Variants in FGF23 observed in about 807,000 individuals in gnomAD.
The protein encoded by FGF23 is phosphatonin.
Under a neutral mutation model 9.0 loss-of-function variants are expected in FGF23, and 8 were observed. The ratio of observed to expected loss-of-function variants is 0.89; its 90% CI spans 0.52 to 1.60. FGF23 has a LOEUF of 1.60. FGF23 is among the 40% of genes most tolerant of loss of function. The pLI, the probability that FGF23 is intolerant of heterozygous loss-of-function variation, is 0.00. For synonymous variants in FGF23, 118 were observed against 146.2 expected, an observed-to-expected ratio of 0.81 and a Z score of 1.39; for missense variants, 311 against 344.3, an observed-to-expected ratio of 0.90 and a Z score of 0.77.
At chr12:4,372,723 A>T in intron 1 of FGF23, 26 bp from the exon 2 acceptor site, 1 of 1,451,338 alleles carries the variant, frequency 6.9e-7, no homozygotes, top group Non-Finnish European at 9.7e-7. Flanking sequence ...GGCAGGGCAA[A>T]GACTCATTGC....
rs562433374 is a variant in FGF23 at position 4,368,768 on chromosome 12, A to G, written c.*1575T>C. The G allele has an allele frequency of 9.5e-4, 195 of 205,542 alleles. No homozygotes were observed. Among genetic ancestry groups the G allele is most frequent in the Admixed American group, 2.5e-3 (42 of 16,890 alleles). The allele number at this position is 205,542 out of a possible 1,614,324, so 12.7% of individuals were successfully genotyped here. A position where few individuals can be genotyped will look rare whatever the true frequency, so the allele number is the denominator to read the frequency against. ...CAGGAAATGAAAACAGAAATATTAA[A>G]ATATTTGCCATGCATGGCTATATAC... On this transcript the variant is annotated 3_prime_UTR_variant, in exon 3 of 3. Coordinates refer to ENST00000237837, the MANE Select transcript of FGF23 (RefSeq NM_020638.3).
rs926867262 is a variant in FGF23, at chr12:4,369,303, G to T, written c.*1040C>A. On this transcript the variant is annotated 3_prime_UTR_variant, in exon 3 of 3. Transcript: ENST00000237837. ...TTAGAGAAAAGGACACGATTTTTCA[G>T]TCCACAGAAAACCTAACCCAGAGCA... is the stretch of plus-strand genomic sequence containing the variant. 8.6e-6 allele frequency: 2 copies of T among 231,382 alleles called. No individual in the cohort carries two copies. The highest frequency in any genetic ancestry group is 8.5e-6 in the Non-Finnish European group (1 of 117,044). The allele number at this position is 231,382 out of a possible 1,614,324, so 14.3% of individuals were successfully genotyped here.
intron 2 of FGF23, 47 bp downstream of exon 2, chr12:4,372,547 T>C (rs1865075409): frequency 2.6e-6 from 3 of 1,160,834 alleles, no homozygotes; most frequent in Admixed American, 1.7e-5. Flanking sequence ...TCAAAGAAAT[T>C]AGGTTAATTG....
rs1865038566 is a variant in FGF23 at position 4,369,662 on chromosome 12, G to A, written c.*681C>T. 1 of 229,684 alleles carries A rather than the reference G, an allele frequency of 4.4e-6. No homozygotes were observed. The highest frequency in any genetic ancestry group is 1.8e-4 in the South Asian group (1 of 5,500). 14.2% of individuals were successfully genotyped at this position (229,684 alleles called of 1,614,324 possible). A position where few individuals can be genotyped will look rare whatever the true frequency, so the allele number is the denominator to read the frequency against. On this transcript the variant is annotated 3_prime_UTR_variant, in exon 3 of 3. Transcript: ENST00000237837. ...AGACAGAAGGTGCTCACCCTGTAGGGAGGCTGAGTTTTCTATTATGATTCC... is the reference window on the plus strand; with the variant it reads ...AGACAGAAGGTGCTCACCCTGTAGGAAGGCTGAGTTTTCTATTATGATTCC...
chr12:4,379,302 A>G (rs1376010385), intron 1 of FGF23, 70 bp downstream of exon 1: 3 of 1,425,180 alleles, frequency 2.1e-6, no homozygotes, highest in Non-Finnish European at 2.0e-6. Flanking sequence ...CTAGTCCCCA[A>G]CCTCCCCAAG....
At chr12:4,378,697 G>GTACC (rs1865144413) in intron 1 of FGF23, among the ~76,000 whole-genome samples, 1 of 152,070 alleles carries the variant, frequency 6.6e-6, no homozygotes, top group Non-Finnish European at 1.5e-5. Flanking sequence ...GGGTACCTGG[G>GTACC]TGTCTGAAAC....
rs1865047339 is a variant in FGF23, at chr12:4,370,356, G to A, written c.743C>T (p.Ala248Val). 6.2e-7 allele frequency: 1 copy of A among 1,613,266 alleles called. No homozygotes were observed. ...CTTCCAGCGACCCTAGATGAACTTGGCGAAGGGGCGGCAGCCTTCCGGGCC... is the reference window on the plus strand; with the variant it reads ...CTTCCAGCGACCCTAGATGAACTTGACGAAGGGGCGGCAGCCTTCCGGGCC... ...GTGPEGCRPFAKFI is the reference protein window; with the variant it reads ...GTGPEGCRPFVKFI The change falls in exon 3 of 3, where the codon GCC (alanine) becomes GTC (valine). Residue 248 changes from alanine (A) to valine (V), a missense_variant. Physicochemically the swap from Ala to Val is moderately conservative, Grantham distance 64 (BLOSUM62 0). Transcript: ENST00000237837.
At chr12:4,370,874 C>T (rs535818608) in intron 2 of FGF23, 91 bp from the exon 3 acceptor site, 3 of 1,067,050 alleles carry the variant, frequency 2.8e-6, no homozygotes, top group Non-Finnish European at 4.3e-6. Context: ...TTGTGCCAGC[C>T]GGCCTGAAGC....
Position 4,369,568 on chromosome 12 carries a change from T to A in FGF23, c.*775A>T. On this transcript the variant is annotated 3_prime_UTR_variant, in exon 3 of 3. Transcript: ENST00000237837. ...GGGGCCAAAAGGTGAGGCTGTATCA[T>A]GAACTGCTTGGGAACAGAGTGGGGC... is the stretch of plus-strand genomic sequence containing the variant. The A allele has an allele frequency of 4.3e-6, 1 of 229,994 alleles. No individual in the cohort carries two copies. The highest frequency in any genetic ancestry group is 8.6e-6 in the Non-Finnish European group (1 of 115,972). 14.2% of individuals were successfully genotyped at this position (229,994 alleles called of 1,614,324 possible).
chr12:4,371,861 A>G (rs1189742670), intron 2 of FGF23, among the ~76,000 whole-genome samples: 2 of 152,256 alleles, frequency 1.3e-5, no homozygotes, highest in South Asian at 2.1e-4. Context: ...GTGAATTGAC[A>G]TGACTTGAGG....
At chr12:4,374,541 T>C (rs960714903) in intron 1 of FGF23, among the ~76,000 whole-genome samples, 3 of 151,568 alleles carry the variant, frequency 2.0e-5, no homozygotes, top group Non-Finnish European at 4.4e-5. Flanking sequence ...TCCCAGCTAC[T>C]CGGGAGGCTG....
chr12:4,369,424 C>T lies in FGF23; in HGVS notation c.*919G>A. The T allele has an allele frequency of 4.3e-6, 1 of 230,596 alleles. No individual in the cohort carries two copies. Among genetic ancestry groups the T allele is most frequent in the Non-Finnish European group, 8.6e-6 (1 of 116,380 alleles). 14.3% of individuals were successfully genotyped at this position (230,596 alleles called of 1,614,324 possible). On this transcript the variant is annotated 3_prime_UTR_variant, in exon 3 of 3. Transcript: ENST00000237837. ...CTGGAAGTAGAGCCTTAATTAAATG[C>T]CTCTTAGGAGAGTTGGAATTTATTT...
In FGF23 at chr12:4,370,526, G is replaced by A. The variant is rs886042161; in HGVS notation, c.573C>T (p.Asn191=). 6 of 1,612,730 alleles carry A rather than the reference G, an allele frequency of 3.7e-6. No individual in the cohort carries two copies. The Middle Eastern group carries it at 5.0e-4, about 133-fold the overall frequency. The change falls in exon 3 of 3, where the codon AAC becomes AAT. Residue 191 remains asparagine (N), a synonymous_variant. Transcript: ENST00000237837. ...AEDDSERDPL[N]VLKPRARMTP... ...TCATCCGGGCCCGGGGCTTCAGCACGTTCAGGGGGTCCCGCTCCGAGTCGT... is the reference window on the plus strand; with the variant it reads ...TCATCCGGGCCCGGGGCTTCAGCACATTCAGGGGGTCCCGCTCCGAGTCGT...
intron 2 of FGF23, among the ~76,000 whole-genome samples, chr12:4,371,766 TGAG>T (rs952431312): frequency 1.3e-4 from 20 of 152,210 alleles, no homozygotes; most frequent in African/African-American, 4.6e-4. Context: ...TTTGGAGAAG[TGAG>T]GAGATTTACC....
intron 1 of FGF23, among the ~76,000 whole-genome samples, chr12:4,373,677 T>C (rs778193537): frequency 3.9e-5 from 6 of 152,220 alleles, no homozygotes; most frequent in Non-Finnish European, 8.8e-5. Flanking sequence ...AATTACTGTT[T>C]TGTGGCAAAG....
chr12:4,377,891 T>C (rs1865136289), intron 1 of FGF23, among the ~76,000 whole-genome samples: 1 of 152,234 alleles, frequency 6.6e-6, no homozygotes, highest in South Asian at 2.1e-4. Context: ...CTTGGTAGAA[T>C]GCCAGGCACA....
rs1410362146 is a variant in FGF23, at chr12:4,368,252, T to C, written c.*2091A>G. 1 of 170,076 alleles carries C rather than the reference T, an allele frequency of 5.9e-6. No individual in the cohort carries two copies. The allele number at this position is 170,076 out of a possible 1,614,324, so 10.5% of individuals were successfully genotyped here. A position where few individuals can be genotyped will look rare whatever the true frequency, so the allele number is the denominator to read the frequency against. On this transcript the variant is annotated 3_prime_UTR_variant, in exon 3 of 3. Coordinates refer to ENST00000237837, the MANE Select transcript of FGF23 (RefSeq NM_020638.3). ...ACCAGAAATCCAATATTGATAAAAC[T>C]TAAATAATTCTGTCTAGATCAATTA...
rs1012266739 is a variant in FGF23, at chr12:4,369,652, A to C, written c.*691T>G. The C allele has an allele frequency of 4.4e-6, 1 of 229,476 alleles. No homozygotes were observed. The highest frequency in any genetic ancestry group is 2.2e-5 in the African/African-American group (1 of 45,124). 14.2% of individuals were successfully genotyped at this position (229,476 alleles called of 1,614,324 possible). ...GGAGACAGCGAGACAGAAGGTGCTC[A>C]CCCTGTAGGGAGGCTGAGTTTTCTA... On this transcript the variant is annotated 3_prime_UTR_variant, in exon 3 of 3. Transcript: ENST00000237837.
chr12:4,379,261 A>C (rs777707451), intron 1 of FGF23, 111 bp downstream of exon 1: 6 of 918,406 alleles, frequency 6.5e-6, no homozygotes, highest in Non-Finnish European at 1.1e-5. Context: ...TCCTGGGCAG[A>C]AAGCTAGGAG....
Sources: gnomAD v4.1 joint callset for allele counts (sites outside exome capture counted in the v4.1 genomes callset) on GRCh38, gnomAD v4.1.1 for gene constraint, MANE v1.5 for transcripts, NCBI Gene and HGNC (gene_info 2026-07-23, HGNC 2026-07-21) for gene names.